Variants in MFN1 observed in about 807,000 individuals in gnomAD.
MFN1 encodes the protein mitofusin 1, also known as mitofusin-1.
A neutral mutation model predicts 92.4 loss-of-function variants in MFN1; 65 were observed. The observed-to-expected ratio is 0.70, with a 90% confidence interval of 0.58 to 0.86. MFN1 has a LOEUF of 0.86. MFN1 is among the 40% of genes least tolerant of loss of function. The pLI is 0.00. For missense variants in MFN1, 781 were observed against 868.0 expected, an observed-to-expected ratio of 0.90 and a Z score of 1.26; for synonymous variants, 297 against 300.9, an observed-to-expected ratio of 0.99 and a Z score of 0.13.
intron 14 of MFN1, among the ~76,000 whole-genome samples, chr3:179,381,672 A>C (rs1479030160): frequency 6.6e-6 from 1 of 152,294 alleles, no homozygotes; most frequent in East Asian, 1.9e-4. Flanking sequence ...TGGCTGACAT[A>C]GCAACACCTG....
chr3:179,385,518 T>A, intron 14 of MFN1, 51 bp from the exon 15 acceptor site: 1 of 1,519,226 alleles, frequency 6.6e-7, no homozygotes, highest in Non-Finnish European at 8.8e-7. Context: ...TAAAGATAAC[T>A]TTATAGTTGT....
chr3:179,355,547 T>C (rs895779947), intron 3 of MFN1, among the ~76,000 whole-genome samples: 1 of 152,194 alleles, frequency 6.6e-6, no homozygotes, highest in Non-Finnish European at 1.5e-5. Context: ...TTAGGAATTA[T>C]TGGCTTATGT....
intron 3 of MFN1, 146 bp from the exon 4 acceptor site, chr3:179,358,694 G>A (rs1324100593): frequency 1.1e-5 from 8 of 729,498 alleles, no homozygotes; most frequent in Non-Finnish European, 1.7e-5. Context: ...ATTTGTGTAA[G>A]CCAAGTGGTT....
At chr3:179,387,430 C>T (rs894668230) in intron 16 of MFN1, among the ~76,000 whole-genome samples, 15 of 152,020 alleles carry the variant, frequency 9.9e-5, no homozygotes, top group Non-Finnish European at 1.9e-4. Context: ...CCTGTAATCT[C>T]AGCTAGTTGG....
At chr3:179,375,620 C>T (rs1713210259) in intron 10 of MFN1, among the ~76,000 whole-genome samples, 1 of 152,166 alleles carries the variant, frequency 6.6e-6, no homozygotes, top group East Asian at 1.9e-4. Context: ...ATCTTTGAAG[C>T]AGTGGAAGAA....
intron 7 of MFN1, among the ~76,000 whole-genome samples, chr3:179,365,680 T>C (rs886327279): frequency 9.2e-5 from 14 of 152,224 alleles, no homozygotes; most frequent in African/African-American, 3.4e-4. Flanking sequence ...CCTTCTGTCC[T>C]ACTTCCCAAG....
chr3:179,380,657 A>G (rs1330127364), intron 14 of MFN1, among the ~76,000 whole-genome samples: 1 of 152,246 alleles, frequency 6.6e-6, no homozygotes, highest in East Asian at 1.9e-4. Flanking sequence ...CCTTGTGACC[A>G]GGGTATTCTA....
chr3:179,372,442 A>G (rs1010879770), intron 9 of MFN1, among the ~76,000 whole-genome samples: 1 of 152,078 alleles, frequency 6.6e-6, no homozygotes, highest in Non-Finnish European at 1.5e-5. Flanking sequence ...TATGTTCCCC[A>G]TAGAGATTAA....
chr3:179,364,172 C>G, intron 5 of MFN1, 125 bp from the exon 6 acceptor site: 1 of 581,592 alleles, frequency 1.7e-6, no homozygotes, highest in Non-Finnish European at 2.9e-6. Context: ...TCCTAGACTT[C>G]TTACAGATGA....
rs1713280953 is a variant in MFN1 at position 179,377,385 on chromosome 3, T to G, written c.1266T>G (p.Val422=). ...CAGATGAAATTTGTCGACTGTCTGT[T>G]TTGGTTGATGAATTTTGTTCAGAGT... ...AMTDEICRLS[V]LVDEFCSEFH... Residue 422 remains valine, a synonymous_variant, in exon 12 of 18, where the codon GTT becomes GTG. Coordinates refer to ENST00000471841, the MANE Select transcript of MFN1 (RefSeq NM_033540.3). The G allele has an allele frequency of 1.2e-6, 2 of 1,610,010 alleles. No homozygotes were observed. Among genetic ancestry groups the G allele is most frequent in the Non-Finnish European group, 1.7e-6 (2 of 1,178,616 alleles).
chr3:179,351,784 T>C, intron 2 of MFN1, 116 bp from the exon 3 acceptor site: 1 of 900,220 alleles, frequency 1.1e-6, no homozygotes, highest in Non-Finnish European at 1.6e-6. Context: ...AACATTGAGA[T>C]GCTGTGGGTG....
chr3:179,367,173 G>C (rs767322647), intron 7 of MFN1, among the ~76,000 whole-genome samples: 1 of 152,198 alleles, frequency 6.6e-6, no homozygotes, highest in African/African-American at 2.4e-5. Flanking sequence ...TGATCTGCCC[G>C]CCTTGGCCTC....
At chr3:179,391,930 T>C (rs1374058994) in intron 17 of MFN1, 51 bp from the exon 18 acceptor site, 7 of 1,190,848 alleles carry the variant, frequency 5.9e-6, no homozygotes, top group Admixed American at 3.8e-5. Context: ...GAATGCATTT[T>C]TCTCCTTGAC....
At chr3:179,364,970 A>C (rs1712727798) in intron 6 of MFN1, 148 bp from the exon 7 acceptor site, 1 of 432,138 alleles carries the variant, frequency 2.3e-6, no homozygotes, top group African/African-American at 2.1e-5. Flanking sequence ...TTCATCTTTG[A>C]AAGTTTAATG....
chr3:179,357,789 G>A (rs1377482991), intron 3 of MFN1, among the ~76,000 whole-genome samples: 1 of 152,172 alleles, frequency 6.6e-6, no homozygotes, highest in East Asian at 1.9e-4. Flanking sequence ...CTGATTCTGT[G>A]AGTCAAGAAT....
chr3:179,383,221 A>G, intron 14 of MFN1, among the ~76,000 whole-genome samples: 1 of 152,168 alleles, frequency 6.6e-6, no homozygotes, highest in Non-Finnish European at 1.5e-5. Flanking sequence ...TTAAGTCTTT[A>G]ATGCATCTTG....
chr3:179,373,716 C>T (rs1384282262), intron 9 of MFN1, among the ~76,000 whole-genome samples: 1 of 151,856 alleles, frequency 6.6e-6, no homozygotes, highest in Admixed American at 6.6e-5. Context: ...CTCTGTCGCC[C>T]AGGCTGGAGT....
intron 14 of MFN1, among the ~76,000 whole-genome samples, chr3:179,381,189 A>G (rs1487916045): frequency 2.0e-5 from 3 of 152,240 alleles, no homozygotes; most frequent in Non-Finnish European, 4.4e-5. Context: ...AGCAGCATGT[A>G]TTCATAACAG....
At chr3:179,387,895 A>G (rs770742115) in intron 16 of MFN1, among the ~76,000 whole-genome samples, 2 of 151,378 alleles carry the variant, frequency 1.3e-5, no homozygotes, top group Non-Finnish European at 2.9e-5. Context: ...CACCTGGCTA[A>G]TTTTGTTTTG....
Sources: allele counts gnomAD v4.1 joint callset (sites outside exome capture counted in the v4.1 genomes callset), GRCh38; gene constraint gnomAD v4.1.1; transcripts MANE v1.5; gene names NCBI Gene and HGNC (gene_info 2026-07-23, HGNC 2026-07-21).